Variants in DLG2 observed in about 807,000 individuals in gnomAD.
The protein encoded by DLG2 is disks large homolog 2.
Under a neutral mutation model 132.5 loss-of-function variants are expected in DLG2, and 45 were observed. That is an observed-to-expected ratio of 0.34 (90% CI 0.27 to 0.44). DLG2 has a LOEUF of 0.44. DLG2 is among the 20% of genes least tolerant of loss of function. DLG2 has a pLI of 1.00. For missense variants in DLG2, 1,045 were observed against 1,196.9 expected (o/e 0.87, Z 1.87); for synonymous variants, 424 against 419.6 (o/e 1.01, Z -0.13).
chr11:84,149,699 T>C (rs1566712017), intron 9 of DLG2, among the ~76,000 whole-genome samples: 1 of 152,190 alleles, frequency 6.6e-6, no homozygotes, highest in Non-Finnish European at 1.5e-5. Context: ...CTACTCAGCC[T>C]CTTTTTTGGT....
chr11:84,846,813 G>A (rs1279939419), intron 6 of DLG2, among the ~76,000 whole-genome samples: 1 of 152,140 alleles, frequency 6.6e-6, no homozygotes, highest in Non-Finnish European at 1.5e-5. Context: ...GGAGAGTCAT[G>A]AGTGTCCATG....
chr11:84,882,120 A>C (rs1261072915), intron 6 of DLG2, among the ~76,000 whole-genome samples: 3 of 152,042 alleles, frequency 2.0e-5, no homozygotes, highest in Admixed American at 2.0e-4. Flanking sequence ...AATTACTACT[A>C]CTCTAAATCT....
intron 7 of DLG2, among the ~76,000 whole-genome samples, chr11:84,321,573 A>G (rs2098405014): frequency 6.6e-6 from 1 of 152,034 alleles, no homozygotes; most frequent in South Asian, 2.1e-4. Context: ...CTTGAGCTCA[A>G]TCCTACCTTG....
chr11:83,570,961 C>T (rs1022383744), intron 19 of DLG2, among the ~76,000 whole-genome samples: 3 of 152,150 alleles, frequency 2.0e-5, no homozygotes, highest in Non-Finnish European at 2.9e-5. Flanking sequence ...CAGCTCACTA[C>T]AACTTCCAAC....
At chr11:85,596,303 T>C (rs1437878106) in intron 3 of DLG2, among the ~76,000 whole-genome samples, 5 of 152,158 alleles carry the variant, frequency 3.3e-5, no homozygotes, top group Non-Finnish European at 7.4e-5. Flanking sequence ...GAAGGAGAAC[T>C]GCTTGAACCG....
At chr11:84,207,845 C>T (rs571184648) in intron 8 of DLG2, among the ~76,000 whole-genome samples, 77 of 152,148 alleles carry the variant, frequency 5.1e-4, no homozygotes, top group Admixed American at 9.2e-4. Context: ...ATGTAAGCCA[C>T]GGTCTGGGAC....
chr11:84,154,850 A>G (rs150229734), intron 9 of DLG2, among the ~76,000 whole-genome samples: 5,263 of 152,282 alleles, frequency 0.035, 140 homozygotes, highest in Non-Finnish European at 0.055. Context: ...ATGGCTGCAT[A>G]GTATTCCATG....
chr11:84,306,831 G>A (rs2098224459), intron 7 of DLG2, among the ~76,000 whole-genome samples: 1 of 152,074 alleles, frequency 6.6e-6, no homozygotes, highest in Non-Finnish European at 1.5e-5. Context: ...CTATTGAAAA[G>A]TCAAAAAATA....
intron 18 of DLG2, among the ~76,000 whole-genome samples, chr11:83,739,013 T>G (rs1456748081): frequency 3.9e-5 from 6 of 152,182 alleles, no homozygotes; most frequent in Admixed American, 3.9e-4. Context: ...TCTATTTATA[T>G]TATTTTATTA....
At chr11:83,921,514 T>G (rs1340942383) in intron 15 of DLG2, among the ~76,000 whole-genome samples, 1 of 152,162 alleles carries the variant, frequency 6.6e-6, no homozygotes, top group African/African-American at 2.4e-5. Context: ...ATATAAAACT[T>G]CTGGAATAGC....
chr11:84,574,361 A>AG (rs2099493705), intron 6 of DLG2, among the ~76,000 whole-genome samples: 5 of 145,990 alleles, frequency 3.4e-5, no homozygotes, highest in African/African-American at 5.3e-5. Context: ...TCTCTTAAAC[A>AG]GAAAAAAAAA....
chr11:84,812,712 C>G (rs2153973684), intron 6 of DLG2, among the ~76,000 whole-genome samples: 1 of 152,224 alleles, frequency 6.6e-6, no homozygotes, highest in African/African-American at 2.4e-5. Flanking sequence ...ACAACATTGA[C>G]TTTTAAATGT....
intron 3 of DLG2, among the ~76,000 whole-genome samples, chr11:85,583,048 G>GAAA (rs869261514): frequency 3.3e-5 from 3 of 91,520 alleles, no homozygotes; most frequent in African/African-American, 1.5e-4. Context: ...GAAACCAGGG[G>GAAA]AAAAAAAAAA....
At chr11:83,581,525 G>C (rs1235621752) in intron 19 of DLG2, among the ~76,000 whole-genome samples, 1 of 152,118 alleles carries the variant, frequency 6.6e-6, no homozygotes, top group Non-Finnish European at 1.5e-5. Flanking sequence ...AGACATAAGA[G>C]CTGTCATACA....
chr11:83,856,987 G>C (rs547074091), intron 16 of DLG2, among the ~76,000 whole-genome samples: 13 of 152,192 alleles, frequency 8.5e-5, no homozygotes, highest in Middle Eastern at 3.4e-3. Context: ...AATCCATCTT[G>C]ATTTATTTTT....
intron 18 of DLG2, among the ~76,000 whole-genome samples, chr11:83,652,589 C>T (rs970912042): frequency 3.9e-5 from 6 of 152,202 alleles, no homozygotes; most frequent in African/African-American, 1.4e-4. Flanking sequence ...CCAGGCTGGT[C>T]TCAAACTCCT....
At chr11:85,574,745 C>T (rs2078054294) in intron 3 of DLG2, among the ~76,000 whole-genome samples, 1 of 152,130 alleles carries the variant, frequency 6.6e-6, no homozygotes, top group Admixed American at 6.6e-5. Flanking sequence ...CTCCTCTTTC[C>T]CTCTGCCATG....
chr11:85,399,885 T>A (rs1037721983), intron 3 of DLG2, among the ~76,000 whole-genome samples: 1 of 151,994 alleles, frequency 6.6e-6, no homozygotes, highest in Non-Finnish European at 1.5e-5. Context: ...GGACTTCATG[T>A]CTAAAACACC....
intron 6 of DLG2, among the ~76,000 whole-genome samples, chr11:84,889,533 G>C (rs1022945368): frequency 6.6e-6 from 1 of 152,130 alleles, no homozygotes; most frequent in Non-Finnish European, 1.5e-5. Context: ...ACAAGGAACT[G>C]TCTGAAGGGA....
Sources: allele counts gnomAD v4.1 joint callset (sites outside exome capture counted in the v4.1 genomes callset), GRCh38; gene constraint gnomAD v4.1.1; transcripts MANE v1.5; gene names NCBI Gene and HGNC (gene_info 2026-07-23, HGNC 2026-07-21).